Variants in MAP3K20 observed in about 807,000 individuals in gnomAD.
The protein encoded by MAP3K20 is HCCS-4.
In MAP3K20, 40 loss-of-function variants were observed where a neutral mutation model predicts 85.7. The observed-to-expected ratio is 0.47, with a 90% CI of 0.36 to 0.61. The LOEUF is 0.61. MAP3K20 is among the 20% of genes least tolerant of loss of function. The probability of loss-of-function intolerance (pLI) is 0.00; values close to 1 mark genes in which losing one functional copy is unlikely to be tolerated. For missense variants in MAP3K20, 817 were observed against 961.7 expected (o/e 0.85, Z 1.99); for synonymous variants, 325 against 327.7 (o/e 0.99, Z 0.09).
At chr2:173,201,621 T>G (rs1691065893) in intron 8 of MAP3K20, among the ~76,000 whole-genome samples, 1 of 152,150 alleles carries the variant, frequency 6.6e-6, no homozygotes, top group Non-Finnish European at 1.5e-5. Flanking sequence ...CCTAATTTAG[T>G]GATTGGGAAA....
intron 1 of MAP3K20, among the ~76,000 whole-genome samples, chr2:173,086,472 TG>T (rs1687149509): frequency 6.6e-6 from 1 of 152,238 alleles, no homozygotes; most frequent in South Asian, 2.1e-4. Context: ...GAGTTAAACC[TG>T]TACTCACATA....
intron 5 of MAP3K20, 60 bp downstream of exon 5, chr2:173,187,683 A>AATTT: frequency 2.1e-6 from 3 of 1,416,078 alleles, no homozygotes; most frequent in South Asian, 1.3e-5. Flanking sequence ...ACTTGCATGT[A>AATTT]GAAATGAGCA....
At chr2:173,120,701 C>CTTTT (rs56084110) in intron 2 of MAP3K20, among the ~76,000 whole-genome samples, 1,995 of 49,250 alleles carry the variant, frequency 0.041, 27 homozygotes, top group Non-Finnish European at 0.048. Flanking sequence ...ACTCTCACTT[C>CTTTT]TTTTTTTTTT....
intron 8 of MAP3K20, among the ~76,000 whole-genome samples, chr2:173,200,975 C>T (rs1261327102): frequency 1.3e-5 from 2 of 152,144 alleles, no homozygotes; most frequent in East Asian, 1.9e-4. Context: ...AATTTGTGTA[C>T]TCTTCACCCA....
At chr2:173,215,224 C>T (rs1012310869) in intron 10 of MAP3K20, among the ~76,000 whole-genome samples, 2 of 152,146 alleles carry the variant, frequency 1.3e-5, no homozygotes, top group African/African-American at 4.8e-5. Context: ...TCGGCAGAAG[C>T]GCTGTGTAGA....
intron 1 of MAP3K20, among the ~76,000 whole-genome samples, chr2:173,084,087 G>T (rs948059980): frequency 6.6e-6 from 1 of 152,066 alleles, no homozygotes; most frequent in African/African-American, 2.4e-5. Context: ...TCATAAAGTA[G>T]GTTTTTATTT....
At chr2:173,211,992 C>T (rs1176508829) in intron 10 of MAP3K20, 3 of 152,148 alleles carry the variant, frequency 2.0e-5, no homozygotes, top group Non-Finnish European at 2.9e-5. Context: ...CAGACAATCA[C>T]GTTTGTTCAT....
rs901312061 is a variant in MAP3K20 at position 173,077,791 on chromosome 2, GA to G, written c.-35+1798del. On this transcript the variant is annotated intron_variant, in intron 1 of 19. Transcript: ENST00000375213. The stretch of plus-strand genomic sequence containing the variant: ...AATATATAAGGACACAGTAAAGAGA[GA>G]AAAAAAAATCCAAATATTAAACACT... Among the ~76,000 whole-genome samples, 47 of 151,484 alleles carry G rather than the reference GA, an allele frequency of 3.1e-4. 1 individual carries two copies. Among genetic ancestry groups the G allele is most frequent in the Admixed American group, 1.8e-3 (27 of 15,226 alleles).
chr2:173,092,853 A>T (rs539239964), intron 2 of MAP3K20, among the ~76,000 whole-genome samples: 1 of 152,282 alleles, frequency 6.6e-6, no homozygotes, highest in African/African-American at 2.4e-5. Context: ...GGAAAATGAC[A>T]TAGGAAAGTG....
chr2:173,246,367 G>A (rs866193294), intron 16 of MAP3K20, among the ~76,000 whole-genome samples: 1 of 152,190 alleles, frequency 6.6e-6, no homozygotes, highest in Non-Finnish European at 1.5e-5. Context: ...AGTGCCCTGT[G>A]TTTTACAATC....
intron 2 of MAP3K20, among the ~76,000 whole-genome samples, chr2:173,151,630 A>G (rs1248414564): frequency 6.6e-6 from 1 of 152,228 alleles, no homozygotes; most frequent in Non-Finnish European, 1.5e-5. Flanking sequence ...ATGTGCAGGC[A>G]TGTACATCTA....
chr2:173,100,930 C>T (rs1359870913), intron 2 of MAP3K20, among the ~76,000 whole-genome samples: 1 of 152,194 alleles, frequency 6.6e-6, no homozygotes, highest in Non-Finnish European at 1.5e-5. Context: ...TTCTACCAGA[C>T]ATTTCTGTTA....
chr2:173,253,690 CACAG>C (rs1417532581), intron 16 of MAP3K20, among the ~76,000 whole-genome samples: 2 of 152,150 alleles, frequency 1.3e-5, no homozygotes, highest in Admixed American at 6.5e-5. Flanking sequence ...GAGAGTTGTT[CACAG>C]ACATTCAAAG....
intron 2 of MAP3K20, among the ~76,000 whole-genome samples, chr2:173,162,516 T>C (rs999686285): frequency 1.3e-5 from 2 of 151,968 alleles, no homozygotes; most frequent in African/African-American, 4.8e-5. Context: ...TGAAACCTCA[T>C]CTGTACTAAA....
chr2:173,191,210 G>A (rs897139791), intron 7 of MAP3K20, 33 bp downstream of exon 7: 2 of 1,606,212 alleles, frequency 1.2e-6, no homozygotes, highest in Non-Finnish European at 1.7e-6. Context: ...GTTTACTAAG[G>A]GAAATACAAA....
chr2:173,218,078 T>C (rs763439066), intron 11 of MAP3K20, among the ~76,000 whole-genome samples: 7 of 152,202 alleles, frequency 4.6e-5, no homozygotes, highest in Non-Finnish European at 8.8e-5. Context: ...CAAGTAATGG[T>C]AGATTAAAAG....
intron 7 of MAP3K20, among the ~76,000 whole-genome samples, chr2:173,196,059 G>A (rs1690824246): frequency 7.8e-6 from 1 of 127,806 alleles, no homozygotes; most frequent in African/African-American, 2.7e-5. Flanking sequence ...AATTCAGTCT[G>A]TGCATGTGTG....
At chr2:173,225,908 T>TAA (rs67401411) in intron 11 of MAP3K20, 2,036 of 881,574 alleles carry the variant, frequency 2.3e-3, no homozygotes, top group Middle Eastern at 2.9e-3. Context: ...ATTCCACAAT[T>TAA]AAAAAAAAAA....
intron 2 of MAP3K20, among the ~76,000 whole-genome samples, chr2:173,149,657 C>T (rs1288983820): frequency 6.6e-6 from 1 of 152,080 alleles, no homozygotes; most frequent in Admixed American, 6.6e-5. Context: ...GGAGTCCTTG[C>T]ATTCTTACCT....
Sources: allele counts gnomAD v4.1 joint callset (sites outside exome capture counted in the v4.1 genomes callset), GRCh38; gene constraint gnomAD v4.1.1; transcripts MANE v1.5; gene names NCBI Gene and HGNC (gene_info 2026-07-23, HGNC 2026-07-21).